The following STOML3 variants were observed in gnomAD, a reference collection of about 807,000 sequenced individuals.
The protein encoded by STOML3 is stomatin-like protein 3.
Under a neutral mutation model 29.5 loss-of-function variants are expected in STOML3, and 31 were observed. The ratio of observed to expected loss-of-function variants is 1.05; its 90% CI spans 0.79 to 1.42. The LOEUF is 1.42. Ranked by LOEUF, STOML3 falls within the 40% of genes most tolerant of loss-of-function variation. The pLI, the probability that STOML3 is intolerant of heterozygous loss-of-function variation, is 0.00. For missense variants in STOML3, 380 were observed against 363.0 expected (o/e 1.05, Z -0.38); for synonymous variants, 122 against 139.8 (o/e 0.87, Z 0.90).
At chr13:38,968,349 GC>G in intron 6 of STOML3, 50 bp downstream of exon 6, 1 of 1,591,646 alleles carries the variant, frequency 6.3e-7, no homozygotes, top group Non-Finnish European at 8.6e-7. Flanking sequence ...ATCCTTGTTG[GC>G]CCCAACACTA....
chr13:38,968,273 A>C (rs1880728852), intron 6 of STOML3, 127 bp downstream of exon 6: 2 of 1,360,398 alleles, frequency 1.5e-6, no homozygotes, highest in Admixed American at 4.8e-5. Context: ...ATTCTCAGTA[A>C]AACTGTGAAA....
At chr13:38,984,634 A>G (rs1593507544) in intron 1 of STOML3, among the ~76,000 whole-genome samples, 1 of 152,188 alleles carries the variant, frequency 6.6e-6, no homozygotes, top group African/African-American at 2.4e-5. Context: ...GCTGTACCCT[A>G]TAGCCCAGGT....
intron 1 of STOML3, among the ~76,000 whole-genome samples, chr13:38,982,377 T>C (rs1294316209): frequency 6.6e-6 from 1 of 152,176 alleles, no homozygotes; most frequent in Non-Finnish European, 1.5e-5. Flanking sequence ...ATATAAACTC[T>C]TTCTCTGCCT....
chr13:38,969,880 T>C (rs1297334798), intron 5 of STOML3, among the ~76,000 whole-genome samples: 1 of 152,318 alleles, frequency 6.6e-6, no homozygotes, highest in Admixed American at 6.5e-5. Context: ...AAATCTGATC[T>C]CTAACTTCTT....
At chr13:38,968,904 A>G (rs1880762717) in intron 5 of STOML3, among the ~76,000 whole-genome samples, 1 of 152,146 alleles carries the variant, frequency 6.6e-6, no homozygotes, top group African/African-American at 2.4e-5. Flanking sequence ...CGGGTTTCTC[A>G]GACAGACCTG....
intron 6 of STOML3, among the ~76,000 whole-genome samples, chr13:38,967,360 T>C (rs1026577088): frequency 6.6e-6 from 1 of 152,220 alleles, no homozygotes; most frequent in African/African-American, 2.4e-5. Flanking sequence ...GGAAGCACTT[T>C]GGAGCCTCAC....
Position 38,965,931 on chromosome 13 carries a change from T to C in STOML3, c.*894A>G, listed in dbSNP as rs752213138. ...GAAATAACCTCCCAAAAAGTAACTTTTGAAATTCATTTATATTCTATGCCT... is the reference window on the plus strand; with the variant it reads ...GAAATAACCTCCCAAAAAGTAACTTCTGAAATTCATTTATATTCTATGCCT... On this transcript the variant is annotated 3_prime_UTR_variant, in exon 7 of 7. Transcript: ENST00000379631. 6.6e-6 allele frequency: 1 copy of C among 152,186 alleles called. No homozygotes were observed. The highest frequency in any genetic ancestry group is 2.4e-5 in the African/African-American group (1 of 41,444). The allele number at this position is 152,186 out of a possible 1,614,324, so 9.4% of individuals were successfully genotyped here. A position where few individuals can be genotyped will look rare whatever the true frequency, so the allele number is the denominator to read the frequency against.
chr13:38,966,582 T>A lies in STOML3; in HGVS notation c.*243A>T, dbSNP rs920071531. ...TATAAAGTCGGAGACCACCACTAAT[T>A]AATTATATAAGAATATTACAAAGTT... On this transcript the variant is annotated 3_prime_UTR_variant, in exon 7 of 7. Coordinates refer to ENST00000379631, the MANE Select transcript of STOML3 (RefSeq NM_145286.3). 7 of 316,524 alleles carry A rather than the reference T, an allele frequency of 2.2e-5. No homozygotes were observed. Among genetic ancestry groups the A allele is most frequent in the Non-Finnish European group, 3.5e-5 (6 of 173,138 alleles). 19.6% of individuals were successfully genotyped at this position (316,524 alleles called of 1,614,324 possible).
chr13:38,977,033 T>C (rs989504710), intron 1 of STOML3, among the ~76,000 whole-genome samples: 1 of 152,178 alleles, frequency 6.6e-6, no homozygotes, highest in African/African-American at 2.4e-5. Flanking sequence ...ATCATAACAA[T>C]AAACAGAAAT....
Position 38,968,440 on chromosome 13 carries a change from A to G in STOML3, c.611T>C (p.Met204Thr), listed in dbSNP as rs1593496305. Residue 204 changes from methionine to threonine, a missense_variant, in exon 6 of 7, where the codon ATG (methionine) becomes ACG (threonine). By Grantham distance (81) the Met-to-Thr change is moderately conservative. Transcript: ENST00000379631. The stretch of plus-strand genomic sequence containing the variant: ...CCGGGTGGCCTCAGCCTCGGCTGCC[A>G]TGGATCTCTGCAACTGCACGGGAAT... ...VRIPVQLQRS[M>T]AAEAEATREA... 4.3e-6 allele frequency: 7 copies of G among 1,614,116 alleles called. No homozygotes were observed. The highest frequency in any genetic ancestry group is 5.9e-6 in the Non-Finnish European group (7 of 1,180,008).
intron 3 of STOML3, among the ~76,000 whole-genome samples, 178 bp from the exon 4 acceptor site, chr13:38,972,772 A>G (rs1880926013): frequency 2.0e-5 from 3 of 152,188 alleles, no homozygotes; most frequent in Admixed American, 1.3e-4. Flanking sequence ...GACTAAAGAA[A>G]AGTAATTGCC....
rs761156562 is a variant in STOML3 at position 38,970,192 on chromosome 13, C to CT, written c.508dup (p.Ser170LysfsTer7). 6.2e-7 allele frequency: 1 copy of CT among 1,612,396 alleles called. No homozygotes were observed. The highest frequency in any genetic ancestry group is 8.5e-7 in the Non-Finnish European group (1 of 1,178,906). On this transcript the variant is annotated frameshift_variant, in exon 5 of 7. Coordinates refer to ENST00000379631, the MANE Select transcript of STOML3 (RefSeq NM_145286.3). LOFTEE classifies it high-confidence loss of function. ...AGTTCATGGTGTCTTTACCTGGATG[C>CT]TATGGGCGATCTCTTCTCGTCCAGC...
rs767498462 is a variant in STOML3 at position 38,970,274 on chromosome 13, G to A, written c.427C>T (p.Leu143=). The change falls in exon 5 of 7, where the codon CTG becomes TTG. Residue 143 remains leucine (L), a synonymous_variant. Coordinates refer to ENST00000379631, the MANE Select transcript of STOML3 (RefSeq NM_145286.3). The part of the protein sequence containing the change: ...VNDVHQATFL[L]AQTTLRNVLG... Reference sequence around the variant, plus strand: ...ACATTTCTCAGAGTGGTTTGAGCCAGCAGAAATGTTGCTTGATGGACATCG... The same window carrying A: ...ACATTTCTCAGAGTGGTTTGAGCCAACAGAAATGTTGCTTGATGGACATCG... 1.5e-5 allele frequency: 24 copies of A among 1,614,076 alleles called. No individual in the cohort carries two copies. The highest frequency in any genetic ancestry group is 1.9e-5 in the Non-Finnish European group (23 of 1,180,030).
intron 1 of STOML3, among the ~76,000 whole-genome samples, chr13:38,990,325 T>A (rs1029565285): frequency 6.6e-6 from 1 of 152,022 alleles, no homozygotes; most frequent in African/African-American, 2.4e-5. Flanking sequence ...TAAAATTGAA[T>A]GAAAAATAAA....
At chr13:38,977,790 C>T (rs570954329) in intron 1 of STOML3, among the ~76,000 whole-genome samples, 9 of 111,270 alleles carry the variant, frequency 8.1e-5, no homozygotes, top group East Asian at 4.6e-4. Context: ...GACGGAGTCT[C>T]GCTCTGTCGC....
chr13:38,987,862 TA>T (rs1177828585), intron 1 of STOML3, among the ~76,000 whole-genome samples: 4 of 82,394 alleles, frequency 4.9e-5, no homozygotes, highest in African/African-American at 1.3e-4. Flanking sequence ...TATTATATGT[TA>T]TATATAATAT....
chr13:38,967,257 C>T (rs1476350327), intron 6 of STOML3, among the ~76,000 whole-genome samples: 1 of 152,064 alleles, frequency 6.6e-6, no homozygotes, highest in Non-Finnish European at 1.5e-5. Context: ...GGATATTGTA[C>T]AAATCGTAGG....
chr13:38,977,750 A>ATTTTTTTTTTTTTTTTTT (rs397851686), intron 1 of STOML3, among the ~76,000 whole-genome samples: 25 of 84,186 alleles, frequency 3.0e-4, no homozygotes, highest in Non-Finnish European at 4.8e-4. Flanking sequence ...AAGTCTCCGG[A>ATTTTTTTTTTTTTTTTTT]TTTTTTTTTT....
At chr13:38,978,448 C>G (rs868846305) in intron 1 of STOML3, among the ~76,000 whole-genome samples, 4 of 152,196 alleles carry the variant, frequency 2.6e-5, no homozygotes, top group African/African-American at 9.6e-5. Flanking sequence ...GCCACTGCAC[C>G]TGGCCCATTT....
Sources: allele counts gnomAD v4.1 joint callset (sites outside exome capture counted in the v4.1 genomes callset), GRCh38; gene constraint gnomAD v4.1.1; transcripts MANE v1.5; gene names NCBI Gene and HGNC (gene_info 2026-07-23, HGNC 2026-07-21).